Variants in CNTNAP2 observed in about 807,000 individuals in gnomAD.
CNTNAP2 encodes the protein contactin associated protein 2.
Under a neutral mutation model 155.2 loss-of-function variants are expected in CNTNAP2, and 98 were observed. The observed-to-expected ratio is 0.63, with a 90% CI of 0.54 to 0.75. CNTNAP2 has a LOEUF of 0.75. Ranked by LOEUF, CNTNAP2 falls within the 30% of genes least tolerant of loss-of-function variation. The pLI is 0.00. For missense variants in CNTNAP2, 1,727 were observed against 1,688.1 expected (o/e 1.02, Z -0.40); for synonymous variants, 651 against 631.2 (o/e 1.03, Z -0.47).
intron 2 of CNTNAP2, among the ~76,000 whole-genome samples, chr7:146,818,659 TA>T (rs1803220270): frequency 1.3e-5 from 2 of 152,148 alleles, no homozygotes; most frequent in South Asian, 4.1e-4. Context: ...TTAGCATGTG[TA>T]AAATAGGAAA....
intron 15 of CNTNAP2, among the ~76,000 whole-genome samples, chr7:147,996,489 A>G (rs1585068729): frequency 6.6e-6 from 1 of 152,352 alleles, no homozygotes; most frequent in Admixed American, 6.5e-5. Context: ...TCCATTTATC[A>G]GCAGTGTGAC....
rs187181500 is a variant in CNTNAP2, at chr7:148,197,982, T to C, written c.3011-19306T>C. Among the ~76,000 whole-genome samples, 272 of 152,336 alleles carry C rather than the reference T, an allele frequency of 1.8e-3. 1 individual carries two copies. Among genetic ancestry groups the C allele is most frequent in the Non-Finnish European group, 3.3e-3 (227 of 68,046 alleles). On this transcript the variant is annotated intron_variant, in intron 18 of 23. Transcript: ENST00000361727. ...TTGAAGCTCTAAAAAGGCTAAAAGG[T>C]TATTTCCATCTGGAGCCACTGGAGC...
At chr7:146,685,121 G>T (rs940523739) in intron 1 of CNTNAP2, among the ~76,000 whole-genome samples, 2 of 152,080 alleles carry the variant, frequency 1.3e-5, no homozygotes, top group Non-Finnish European at 2.9e-5. Context: ...AGAAATTAAG[G>T]TATAGGGATT....
At chr7:147,270,822 C>A (rs548113204) in intron 8 of CNTNAP2, among the ~76,000 whole-genome samples, 1 of 152,300 alleles carries the variant, frequency 6.6e-6, no homozygotes, top group Non-Finnish European at 1.5e-5. Flanking sequence ...TTCCTGCTAG[C>A]ATAGCCTCAT....
chr7:146,385,175 G>A (rs2129105651), intron 1 of CNTNAP2, among the ~76,000 whole-genome samples: 1 of 151,950 alleles, frequency 6.6e-6, no homozygotes, highest in East Asian at 1.9e-4. Flanking sequence ...TTTCCTTCCA[G>A]CTCTAACATT....
chr7:147,646,983 A>AC (rs1795375597), intron 13 of CNTNAP2, among the ~76,000 whole-genome samples: 1 of 145,640 alleles, frequency 6.9e-6, no homozygotes, highest in Non-Finnish European at 1.5e-5. Flanking sequence ...TATTATGTTC[A>AC]CTTTTTTTTT....
chr7:146,125,697 A>G (rs530621970), intron 1 of CNTNAP2, among the ~76,000 whole-genome samples: 22 of 151,956 alleles, frequency 1.4e-4, no homozygotes, highest in Non-Finnish European at 2.9e-4. Context: ...TGCTTCTACC[A>G]TTAAGAACAT....
intron 1 of CNTNAP2, among the ~76,000 whole-genome samples, chr7:146,718,063 A>G (rs1361710102): frequency 6.6e-6 from 1 of 152,172 alleles, no homozygotes; most frequent in African/African-American, 2.4e-5. Flanking sequence ...CTTCAATATA[A>G]TAACAATTAC....
chr7:148,316,930 T>A (rs1167399843), intron 21 of CNTNAP2, among the ~76,000 whole-genome samples: 1 of 152,236 alleles, frequency 6.6e-6, no homozygotes. Context: ...CTGGAATAGT[T>A]CAGCCTCATT....
chr7:148,392,712 C>T (rs1799378166), intron 22 of CNTNAP2, among the ~76,000 whole-genome samples: 1 of 152,128 alleles, frequency 6.6e-6, no homozygotes, highest in Non-Finnish European at 1.5e-5. Flanking sequence ...CCAGGATTGT[C>T]AAGAATCCAG....
chr7:147,994,836 T>C (rs992760633), intron 15 of CNTNAP2, among the ~76,000 whole-genome samples: 9 of 152,116 alleles, frequency 5.9e-5, no homozygotes, highest in African/African-American at 2.2e-4. Flanking sequence ...GACACCAGTG[T>C]AGTTGGAAGA....
chr7:146,599,429 C>T (rs1798912488), intron 1 of CNTNAP2, among the ~76,000 whole-genome samples: 1 of 151,998 alleles, frequency 6.6e-6, no homozygotes, highest in South Asian at 2.1e-4. Flanking sequence ...CCTCTCTGAT[C>T]TCATTGTGTT....
chr7:147,422,135 A>G (rs1426372840), intron 10 of CNTNAP2, among the ~76,000 whole-genome samples: 4 of 142,370 alleles, frequency 2.8e-5, no homozygotes, highest in Middle Eastern at 7.3e-3. Context: ...TATATACAGT[A>G]TATATATATA....
In CNTNAP2 at chr7:147,259,720, G is replaced by A. The variant is rs143217840; in HGVS notation, c.1349-40421G>A. 2.9e-3 allele frequency among the ~76,000 whole-genome samples: 447 copies of A among 152,300 alleles called. 12 individuals carry two copies. Among genetic ancestry groups the A allele is most frequent in the East Asian group, 1.3e-3 (7 of 5,186 alleles). On this transcript the variant is annotated intron_variant, in intron 8 of 23. Transcript: ENST00000361727. ...ATCGTCTTAAAAGTGAATCTCAAAG[G>A]TTGAGGCTGTTTTGTTCAAAGGAGT...
intron 1 of CNTNAP2, among the ~76,000 whole-genome samples, chr7:146,511,237 G>A (rs1797461552): frequency 1.3e-5 from 2 of 152,132 alleles, no homozygotes; most frequent in Admixed American, 1.3e-4. Flanking sequence ...CTGTGAACAG[G>A]AGTATTTTGA....
intron 11 of CNTNAP2, among the ~76,000 whole-genome samples, chr7:147,541,200 C>T (rs962719213): frequency 6.6e-6 from 1 of 152,080 alleles, no homozygotes; most frequent in African/African-American, 2.4e-5. Context: ...AGTGAGTAAG[C>T]CATATGATAT....
intron 3 of CNTNAP2, among the ~76,000 whole-genome samples, chr7:146,924,683 T>G (rs561448541): frequency 6.6e-6 from 1 of 152,106 alleles, no homozygotes; most frequent in Non-Finnish European, 1.5e-5. Flanking sequence ...AGTCAGATGA[T>G]CTTACCTAAC....
chr7:148,120,330 A>C (rs193005431), intron 16 of CNTNAP2, among the ~76,000 whole-genome samples: 7 of 151,620 alleles, frequency 4.6e-5, no homozygotes, highest in Non-Finnish European at 8.8e-5. Flanking sequence ...GCAATGGTGC[A>C]ATCATGGTTC....
chr7:147,925,827 T>C (rs1800388866), intron 14 of CNTNAP2, among the ~76,000 whole-genome samples: 1 of 152,186 alleles, frequency 6.6e-6, no homozygotes, highest in Non-Finnish European at 1.5e-5. Flanking sequence ...CAAAATAGTT[T>C]CACTGCTGAA....
Sources: allele counts gnomAD v4.1 joint callset (sites outside exome capture counted in the v4.1 genomes callset), GRCh38; gene constraint gnomAD v4.1.1; transcripts MANE v1.5; gene names NCBI Gene and HGNC (gene_info 2026-07-23, HGNC 2026-07-21).